ANKHD1: variants seen among roughly 807,000 people sequenced by gnomAD.
The protein encoded by ANKHD1 is ankyrin repeat and KH domain containing 1.
A neutral mutation model predicts 230.5 loss-of-function variants in ANKHD1; 31 were observed. That is an observed-to-expected ratio of 0.13 (90% CI 0.10 to 0.18). ANKHD1 has a LOEUF of 0.18. Ranked by LOEUF, ANKHD1 falls within the 10% of genes least tolerant of loss-of-function variation. The pLI is 1.00. For missense variants in ANKHD1, 2,256 were observed against 3,071.3 expected, an observed-to-expected ratio of 0.73 and a Z score of 6.27; for synonymous variants, 1,074 against 1,117.6, an observed-to-expected ratio of 0.96 and a Z score of 0.78.
At chr5:140,517,184 A>C (rs2127070346) in intron 24 of ANKHD1, among the ~76,000 whole-genome samples, 1 of 146,632 alleles carries the variant, frequency 6.8e-6, no homozygotes, top group African/African-American at 2.5e-5. Context: ...AGATCAAAAG[A>C]GACAAAGAAG....
At position 140,506,207 on chromosome 5, in the gene ANKHD1, T is replaced by C. The variant is rs949578331; in HGVS notation, c.3408+338T>C. Among the ~76,000 whole-genome samples, 9 of 152,212 alleles carry C rather than the reference T, an allele frequency of 5.9e-5. No homozygotes were observed. Among genetic ancestry groups the C allele is most frequent in the African/African-American group, 2.2e-4 (9 of 41,444 alleles). Reference sequence around the variant, plus strand: ...TCCCAAAGTACAGGGATTATAGTTATGGGCCAGCATGCCTGGCCCTGCACG... The same window carrying C: ...TCCCAAAGTACAGGGATTATAGTTACGGGCCAGCATGCCTGGCCCTGCACG... On this transcript the variant is annotated intron_variant, in intron 18 of 33. Transcript: ENST00000360839. This position sits in a 1 kb window ranked among gnomAD's most constrained non-coding sequence, Gnocchi z 4.7.
At position 140,438,478 on chromosome 5, in the gene ANKHD1, A is replaced by G. The variant is rs753195495; in HGVS notation, c.478A>G (p.Thr160Ala). Residue 160 changes from threonine to alanine, a missense_variant, in exon 3 of 34, where the codon ACT (threonine) becomes GCT (alanine). Transcript: ENST00000360839. ...LEAAGIGKLS[T>A]ADGKAFADPE... is the part of the protein sequence containing the mutation. Reference sequence around the variant, plus strand: ...CACTGAAGGAATTGGCAAATTGTCAACTGCTGATGGTAAAGCTTTTGCAGA... The same window carrying G: ...CACTGAAGGAATTGGCAAATTGTCAGCTGCTGATGGTAAAGCTTTTGCAGA... The G allele has an allele frequency of 6.8e-6, 11 of 1,609,042 alleles. No individual in the cohort carries two copies. The highest frequency in any genetic ancestry group is 2.2e-5 in the East Asian group (1 of 44,794).
At chr5:140,439,268 T>C (rs1264097838) in intron 3 of ANKHD1, among the ~76,000 whole-genome samples, 1 of 152,230 alleles carries the variant, frequency 6.6e-6, no homozygotes, top group Admixed American at 6.5e-5. Flanking sequence ...TGGGAATCAT[T>C]ATACAAGTAG....
intron 10 of ANKHD1, among the ~76,000 whole-genome samples, chr5:140,468,995 C>G (rs972911756): frequency 6.6e-6 from 1 of 152,110 alleles, no homozygotes; most frequent in Non-Finnish European, 1.5e-5. Context: ...TATTGTCAAA[C>G]TGTTCAAAAA....
At chr5:140,523,968 C>A in intron 24 of ANKHD1, 98 bp from the exon 25 acceptor site, 1 of 1,403,918 alleles carries the variant, frequency 7.1e-7, no homozygotes, top group East Asian at 2.6e-5. Context: ...TTGAGAGTAA[C>A]ATCCATGGAA....
intron 1 of ANKHD1, among the ~76,000 whole-genome samples, chr5:140,427,687 G>A (rs1772624659): frequency 6.8e-6 from 1 of 147,656 alleles, no homozygotes. Context: ...CGGCCGGCCA[G>A]GCAGAGGGGC....
intron 10 of ANKHD1, among the ~76,000 whole-genome samples, chr5:140,479,546 T>C (rs1457951084): frequency 6.6e-6 from 1 of 151,942 alleles, no homozygotes; most frequent in Non-Finnish European, 1.5e-5. Context: ...ATATATGCAT[T>C]GATTCCCATG....
rs1753712818 is a variant in ANKHD1 at position 140,529,079 on chromosome 5, T to C, written c.6133T>C (p.Ser2045Pro). ...DQPMANLCTP[S>P]STANSCSSSA... The stretch of plus-strand genomic sequence containing the variant: ...GCCCATGGCAAACCTATGTACCCCA[T>C]CTTCAACTGCAAACAGTTGCAGTAG... The change falls in exon 29 of 34, where the codon TCT (serine) becomes CCT (proline). Residue 2045 changes from serine (S) to proline (P), a missense_variant. Physicochemically the swap from Ser to Pro is moderately conservative, Grantham distance 74. This residue lies in a region of ANKHD1 where 778 missense variants were observed against 966.5 expected (regional missense o/e 0.80). Coordinates refer to ENST00000360839, the MANE Select transcript of ANKHD1 (RefSeq NM_017747.3). 1.2e-6 allele frequency: 2 copies of C among 1,614,016 alleles called. No individual in the cohort carries two copies. Among genetic ancestry groups the C allele is most frequent in the Non-Finnish European group, 8.5e-7 (1 of 1,180,044 alleles).
chr5:140,523,953 G>A (rs1298279875), intron 24 of ANKHD1, 113 bp from the exon 25 acceptor site: 7 of 1,313,602 alleles, frequency 5.3e-6, no homozygotes, highest in Non-Finnish European at 7.1e-6. Context: ...ATTTATAAAT[G>A]TGTTTTGAGA....
chr5:140,535,532 A>C lies in ANKHD1; in HGVS notation c.7021A>C (p.Asn2341His). The C allele has an allele frequency of 6.3e-7, 1 of 1,598,562 alleles. No individual in the cohort carries two copies. Among genetic ancestry groups the C allele is most frequent in the Non-Finnish European group, 8.5e-7 (1 of 1,175,264 alleles). The change falls in exon 30 of 34, where the codon AAC becomes CAC. Residue 2341 changes from asparagine (N) to histidine (H), a missense_variant. Transcript: ENST00000360839. ...FSPHPWTSASNSSTSAPPTLG... is the reference protein window; with the variant it reads ...FSPHPWTSASHSSTSAPPTLG... ...TCCCCATCCTTGGACAAGCGCCTCA[A>C]ACTCATGTAGGAATCCTGGAGGAAC...
chr5:140,409,397 T>C (rs530846943), intron 1 of ANKHD1, among the ~76,000 whole-genome samples: 14 of 152,334 alleles, frequency 9.2e-5, no homozygotes, highest in African/African-American at 3.4e-4. Flanking sequence ...TTATGGGGAC[T>C]TCCAGTTTGT....
At chr5:140,469,380 G>A (rs1776330992) in intron 10 of ANKHD1, among the ~76,000 whole-genome samples, 1 of 150,908 alleles carries the variant, frequency 6.6e-6, no homozygotes, top group Non-Finnish European at 1.5e-5. Flanking sequence ...GTGTGGTTGT[G>A]CGTGTCTGTA....
At chr5:140,437,840 C>T (rs1453755337) in intron 2 of ANKHD1, among the ~76,000 whole-genome samples, 1 of 152,170 alleles carries the variant, frequency 6.6e-6, no homozygotes, top group East Asian at 1.9e-4. Context: ...ATTGTTTTGT[C>T]AATTTCATAA....
At chr5:140,443,664 A>G (rs1437898021) in intron 5 of ANKHD1, among the ~76,000 whole-genome samples, 1 of 151,320 alleles carries the variant, frequency 6.6e-6, no homozygotes, top group Non-Finnish European at 1.5e-5. Flanking sequence ...TGGGCGACAG[A>G]GCGAGACTCC....
At chr5:140,472,466 G>A (rs1776561708) in intron 10 of ANKHD1, 1 of 1,329,724 alleles carries the variant, frequency 7.5e-7, no homozygotes, top group Non-Finnish European at 9.6e-7. Flanking sequence ...AAAGAGATTT[G>A]TATTGCTGGT....
intron 1 of ANKHD1, among the ~76,000 whole-genome samples, chr5:140,423,296 C>A (rs922395893): frequency 1.3e-5 from 2 of 152,126 alleles, no homozygotes; most frequent in African/African-American, 4.8e-5. Context: ...TGCATCACCT[C>A]ATTTAATTTT....
chr5:140,432,452 A>G (rs955272726), intron 1 of ANKHD1, among the ~76,000 whole-genome samples: 6 of 152,090 alleles, frequency 3.9e-5, no homozygotes, highest in African/African-American at 1.2e-4. Flanking sequence ...GATATATATC[A>G]TATTTGGTTT....
chr5:140,403,250 T>A (rs1480696335), intron 1 of ANKHD1, among the ~76,000 whole-genome samples: 1 of 152,140 alleles, frequency 6.6e-6, no homozygotes, highest in Non-Finnish European at 1.5e-5. Context: ...ATTACAGGTA[T>A]GAGCCACCGT....
chr5:140,412,023 T>C (rs1770972457), intron 1 of ANKHD1, among the ~76,000 whole-genome samples: 1 of 151,906 alleles, frequency 6.6e-6, no homozygotes, highest in Non-Finnish European at 1.5e-5. Context: ...CGTACCCTGC[T>C]AATTTTTAAA....
Sources: allele counts gnomAD v4.1 joint callset (sites outside exome capture counted in the v4.1 genomes callset), GRCh38; gene constraint gnomAD v4.1.1; regional missense constraint gnomAD v4.1.1; non-coding constraint Gnocchi (gnomAD v3.1); transcripts MANE v1.5; gene names NCBI Gene and HGNC (gene_info 2026-07-23, HGNC 2026-07-21).